KIF3A: variants seen among roughly 807,000 people sequenced by gnomAD.
KIF3A encodes the protein kinesin-like protein KIF3A.
In KIF3A, 27 loss-of-function variants were observed where a neutral mutation model predicts 92.6. The ratio of observed to expected loss-of-function variants is 0.29; its 90% CI spans 0.21 to 0.40. The LOEUF is 0.40. Among genes scored for constraint, KIF3A ranks in the 10% least tolerant of loss-of-function variants. The pLI, the probability that KIF3A is intolerant of heterozygous loss-of-function variation, is 1.00. For synonymous variants in KIF3A, 250 were observed against 275.4 expected, an observed-to-expected ratio of 0.91 and a Z score of 0.92; for missense variants, 581 against 872.6, an observed-to-expected ratio of 0.67 and a Z score of 4.21.
At chr5:132,718,649 C>CA (rs1161311238) in intron 5 of KIF3A, among the ~76,000 whole-genome samples, 1 of 151,534 alleles carries the variant, frequency 6.6e-6, no homozygotes, top group Non-Finnish European at 1.5e-5. Context: ...GTTTTTGAGA[C>CA]AGAGTCTTCC....
At chr5:132,724,825 A>T (rs1753975551) in intron 4 of KIF3A, among the ~76,000 whole-genome samples, 1 of 32,592 alleles carries the variant, frequency 3.1e-5, no homozygotes, top group African/African-American at 7.1e-5. Context: ...ATATATATAT[A>T]TATATATATA....
chr5:132,699,028 G>C, intron 18 of KIF3A, 143 bp downstream of exon 18: 1 of 847,000 alleles, frequency 1.2e-6, no homozygotes. Context: ...GTGAGCCACT[G>C]TGCCCAGCCA....
chr5:132,700,180 T>C (rs1415550580), intron 17 of KIF3A, 36 bp downstream of exon 17: 1 of 1,125,508 alleles, frequency 8.9e-7, no homozygotes, highest in East Asian at 2.4e-5. Flanking sequence ...AACAGTAGTT[T>C]TGTGTTTTGT....
At chr5:132,714,859 C>T (rs1407258455) in intron 8 of KIF3A, among the ~76,000 whole-genome samples, 2 of 152,178 alleles carry the variant, frequency 1.3e-5, no homozygotes, top group African/African-American at 4.8e-5. Flanking sequence ...TCACCGTTAA[C>T]ATCGCTAAGA....
chr5:132,691,520 C>T (rs1247669502), downstream of KIF3A, among the ~76,000 whole-genome samples: 1 of 150,574 alleles, frequency 6.6e-6, no homozygotes, highest in African/African-American at 2.5e-5. Flanking sequence ...GCACTCCATC[C>T]TGGCCAACAA....
At chr5:132,727,871 C>T (rs1754087696) in intron 2 of KIF3A, among the ~76,000 whole-genome samples, 1 of 152,150 alleles carries the variant, frequency 6.6e-6, no homozygotes, top group African/African-American at 2.4e-5. Flanking sequence ...TCAACTAATA[C>T]TACTCTATTC....
chr5:132,716,965 A>G lies in KIF3A; in HGVS notation c.636T>C (p.Asn212=). ...GHKNRSVGAT[N]MNEHSSRSHA... ...GGGAACGGGAACTATGTTCGTTCAT[A>G]TTAGTTGCACCAACAGAACCTTTAA... The change falls in exon 6 of 19, where the codon AAT becomes AAC. Residue 212 remains asparagine (N), a synonymous_variant. Transcript: ENST00000403231. 1.2e-6 allele frequency: 2 copies of G among 1,613,762 alleles called. No individual in the cohort carries two copies. The highest frequency in any genetic ancestry group is 2.2e-5 in the South Asian group (2 of 91,022).
chr5:132,713,370 A>G (rs4425499), intron 8 of KIF3A, among the ~76,000 whole-genome samples: 86,666 of 151,992 alleles, frequency 0.57, 27,394 homozygotes, highest in Non-Finnish European at 0.73. Context: ...GCTTATAAAA[A>G]ATGTTAACAT....
intron 5 of KIF3A, among the ~76,000 whole-genome samples, chr5:132,719,656 T>C (rs1753760843): frequency 1.3e-5 from 2 of 152,016 alleles, no homozygotes; most frequent in Non-Finnish European, 2.9e-5. Context: ...CACTCCCAGC[T>C]AATTTTTGTA....
At chr5:132,727,160 T>C (rs1164398119) in intron 2 of KIF3A, among the ~76,000 whole-genome samples, 1 of 152,196 alleles carries the variant, frequency 6.6e-6, no homozygotes, top group Non-Finnish European at 1.5e-5. Context: ...ATACAATTAT[T>C]ACAGGTAACT....
intron 7 of KIF3A, 96 bp from the exon 8 acceptor site, chr5:132,716,027 T>A: frequency 4.1e-6 from 4 of 980,694 alleles, no homozygotes; most frequent in Non-Finnish European, 4.5e-6. Flanking sequence ...TTAAAGCACA[T>A]ATGCACCCTT....
downstream of KIF3A, chr5:132,689,799 C>A (rs1037811065): frequency 2.0e-5 from 3 of 152,140 alleles, no homozygotes; most frequent in African/African-American, 7.2e-5. Flanking sequence ...CATGCCAGGG[C>A]AGGCCTTTAA....
chr5:132,701,667 T>C (rs1254213574), intron 15 of KIF3A, among the ~76,000 whole-genome samples: 3 of 152,152 alleles, frequency 2.0e-5, no homozygotes, highest in Admixed American at 6.5e-5. Flanking sequence ...ACAATGTGAA[T>C]GTCCTAAATG....
chr5:132,698,257 T>C (rs1752904745), intron 18 of KIF3A, among the ~76,000 whole-genome samples: 1 of 152,130 alleles, frequency 6.6e-6, no homozygotes, highest in Admixed American at 6.6e-5. Context: ...TCCTACATTT[T>C]AGGAGCCCCA....
chr5:132,715,950 G>A lies in KIF3A; in HGVS notation c.955-19C>T, dbSNP rs754941837. The A allele has an allele frequency of 6.6e-6, 10 of 1,515,000 alleles. No individual in the cohort carries two copies. The Admixed American group carries it at 2.1e-4, about 32-fold the overall frequency. 93.8% of individuals were successfully genotyped at this position (1,515,000 alleles called of 1,614,324 possible). A position where few individuals can be genotyped will look rare whatever the true frequency, so the allele number is the denominator to read the frequency against. ...TTGCACACTATTGAATTAGAAATAT[G>A]AAACAAATCATTTTACACTTGACAG... On this transcript the variant is annotated intron_variant, in intron 7 of 18. Coordinates refer to ENST00000403231, the MANE Select transcript of KIF3A (RefSeq NM_001300791.2).
At chr5:132,711,373 C>T (rs1753416994) in intron 8 of KIF3A, among the ~76,000 whole-genome samples, 2 of 152,178 alleles carry the variant, frequency 1.3e-5, no homozygotes, top group African/African-American at 4.8e-5. Context: ...AGGCAGATCA[C>T]TTGAGGCCAA....
intron 7 of KIF3A, 102 bp downstream of exon 7, chr5:132,716,143 G>C: frequency 9.4e-7 from 1 of 1,067,530 alleles, no homozygotes; most frequent in South Asian, 1.5e-5. Context: ...GTCAAAAAAA[G>C]TAAAATAATC....
At chr5:132,707,928 G>C (rs999406645) in intron 10 of KIF3A, among the ~76,000 whole-genome samples, 1 of 152,150 alleles carries the variant, frequency 6.6e-6, no homozygotes, top group Non-Finnish European at 1.5e-5. Flanking sequence ...TTTGAAATAA[G>C]TCTAGATGGA....
At chr5:132,724,632 G>A (rs1324499675) in intron 4 of KIF3A, among the ~76,000 whole-genome samples, 8 of 151,294 alleles carry the variant, frequency 5.3e-5, no homozygotes, top group South Asian at 2.1e-4. Flanking sequence ...ATCACACACC[G>A]GGGCCTGTTG....
Sources: gnomAD v4.1 joint callset for allele counts (sites outside exome capture counted in the v4.1 genomes callset) on GRCh38, gnomAD v4.1.1 for gene constraint, MANE v1.5 for transcripts, NCBI Gene and HGNC (gene_info 2026-07-23, HGNC 2026-07-21) for gene names.